The following ENTREP2 variants were observed in gnomAD, a reference collection of about 807,000 sequenced individuals.
ENTREP2 encodes endosomal transmembrane epsin interactor 2.
chr15:29,245,675 A>T, the ENTREP2 span, among the ~76,000 whole-genome samples: 1 of 151,886 alleles, frequency 6.6e-6, no homozygotes, highest in African/African-American at 2.4e-5. Flanking sequence ...ATAGGTAACA[A>T]ACGTGAAGTG....
chr15:29,599,260 A>G, the ENTREP2 span, among the ~76,000 whole-genome samples: 1 of 152,202 alleles, frequency 6.6e-6, no homozygotes, highest in Non-Finnish European at 1.5e-5. Context: ...AGAAATAATA[A>G]TGATGCAGGA....
the ENTREP2 span, among the ~76,000 whole-genome samples, chr15:29,336,734 C>A: frequency 6.6e-6 from 1 of 152,186 alleles, no homozygotes; most frequent in Non-Finnish European, 1.5e-5. Context: ...CAGGTCAAGT[C>A]CATGTCATGC....
the ENTREP2 span, among the ~76,000 whole-genome samples, chr15:29,440,126 A>G: frequency 1.0e-3 from 158 of 152,336 alleles, no homozygotes; most frequent in Non-Finnish European, 2.1e-3. Flanking sequence ...GAGATTCAAG[A>G]GATATGATGA....
the ENTREP2 span, among the ~76,000 whole-genome samples, chr15:29,411,605 T>C: frequency 6.6e-6 from 1 of 152,232 alleles, no homozygotes; most frequent in Admixed American, 6.5e-5. Flanking sequence ...ATTGCAAGCA[T>C]CTCCTTCCAG....
At chr15:29,246,704 A>G in the ENTREP2 span, among the ~76,000 whole-genome samples, 1 of 138,616 alleles carries the variant, frequency 7.2e-6, no homozygotes, top group African/African-American at 3.1e-5. Context: ...ACTCCATCTC[A>G]AAAAAAAAAA....
the ENTREP2 span, among the ~76,000 whole-genome samples, chr15:29,397,886 G>A: frequency 6.6e-6 from 1 of 152,078 alleles, no homozygotes; most frequent in South Asian, 2.1e-4. Context: ...CAAAAATAAG[G>A]AACAGACCAG....
the ENTREP2 span, among the ~76,000 whole-genome samples, chr15:29,624,317 G>A: frequency 0.01 from 1,523 of 151,444 alleles, 15 homozygotes; most frequent in Non-Finnish European, 0.018. Flanking sequence ...CCAATAACGC[G>A]CACACATGCA....
At chr15:29,364,668 T>C in the ENTREP2 span, among the ~76,000 whole-genome samples, 1 of 152,192 alleles carries the variant, frequency 6.6e-6, no homozygotes, top group Non-Finnish European at 1.5e-5. Flanking sequence ...TGCCTTTCCC[T>C]ATTGTTAGTC....
At chr15:29,207,192 C>T in the ENTREP2 span, among the ~76,000 whole-genome samples, 5 of 152,086 alleles carry the variant, frequency 3.3e-5, no homozygotes, top group Non-Finnish European at 5.9e-5. Context: ...AGGACAAAGC[C>T]GGCCCATTAT....
At chr15:29,210,042 A>G in the ENTREP2 span, among the ~76,000 whole-genome samples, 2 of 152,172 alleles carry the variant, frequency 1.3e-5, no homozygotes, top group African/African-American at 4.8e-5. Flanking sequence ...CTTGGGGTCT[A>G]CTAATCCAGG....
the ENTREP2 span, among the ~76,000 whole-genome samples, chr15:29,401,878 T>C: frequency 2.0e-5 from 3 of 152,276 alleles, no homozygotes; most frequent in East Asian, 3.9e-4. Flanking sequence ...CACAGCCCAG[T>C]GTGCACTGAA....
chr15:29,648,637 T>C, the ENTREP2 span, among the ~76,000 whole-genome samples: 24 of 152,290 alleles, frequency 1.6e-4, no homozygotes, highest in African/African-American at 4.8e-4. Flanking sequence ...TACGCAATGA[T>C]TACATAAAAC....
At chr15:29,257,563 T>C in the ENTREP2 span, among the ~76,000 whole-genome samples, 1 of 152,240 alleles carries the variant, frequency 6.6e-6, no homozygotes, top group Non-Finnish European at 1.5e-5. Flanking sequence ...GTTTGTTTAA[T>C]GTGCTAGACA....
chr15:29,282,541 A>G, the ENTREP2 span, among the ~76,000 whole-genome samples: 1 of 152,004 alleles, frequency 6.6e-6, no homozygotes, highest in South Asian at 2.1e-4. Context: ...TGCACACTGG[A>G]CCTCAGGAGT....
chr15:29,320,942 C>T, the ENTREP2 span, among the ~76,000 whole-genome samples: 3 of 151,756 alleles, frequency 2.0e-5, no homozygotes, highest in Admixed American at 6.6e-5. Context: ...TATTAAAAGG[C>T]AAAAAGAGAA....
At chr15:29,132,626 G>C in the ENTREP2 span, among the ~76,000 whole-genome samples, 1 of 152,228 alleles carries the variant, frequency 6.6e-6, no homozygotes, top group African/African-American at 2.4e-5. Context: ...TCTGGAGAAG[G>C]GTGTCGCATT....
chr15:29,498,399 G>A, the ENTREP2 span, among the ~76,000 whole-genome samples: 5,219 of 152,042 alleles, frequency 0.034, 283 homozygotes, highest in African/African-American at 0.12. Flanking sequence ...CATTGGTTGG[G>A]AGTATGTTGT....
At chr15:29,446,281 C>G in the ENTREP2 span, among the ~76,000 whole-genome samples, 1 of 152,304 alleles carries the variant, frequency 6.6e-6, no homozygotes, top group South Asian at 2.1e-4. Context: ...ACTAAGACAC[C>G]AACTAACACT....
chr15:29,236,498 A>C, the ENTREP2 span, among the ~76,000 whole-genome samples: 1 of 151,926 alleles, frequency 6.6e-6, no homozygotes, highest in Non-Finnish European at 1.5e-5. Context: ...TAAAAAAAAA[A>C]AGTAGCCAGG....
Sources: gnomAD v4.1 joint callset for allele counts (sites outside exome capture counted in the v4.1 genomes callset) on GRCh38, gnomAD v4.1.1 for gene constraint, MANE v1.5 for transcripts, NCBI Gene and HGNC (gene_info 2026-07-23, HGNC 2026-07-21) for gene names.